SNAP25: variants seen among roughly 807,000 people sequenced by gnomAD.
SNAP25 encodes the protein synaptosome associated protein 25.
In SNAP25, 3 loss-of-function variants were observed where a neutral mutation model predicts 28.7. The observed-to-expected ratio is 0.10, with a 90% CI of 0.05 to 0.27. The LOEUF is 0.27. Among genes scored for constraint, SNAP25 ranks in the 10% least tolerant of loss-of-function variants. SNAP25 has a pLI of 1.00. For synonymous variants in SNAP25, 61 were observed against 88.1 expected, an observed-to-expected ratio of 0.69 and a Z score of 1.72; for missense variants, 117 against 278.7, an observed-to-expected ratio of 0.42 and a Z score of 4.13.
intron 1 of SNAP25, among the ~76,000 whole-genome samples, chr20:10,265,929 C>T (rs1017771636): frequency 9.2e-5 from 14 of 152,074 alleles, no homozygotes; most frequent in African/African-American, 2.4e-4. Context: ...CTGGTGAGGC[C>T]GATGCTGGTC....
At chr20:10,285,828 G>T (rs2063866101) in intron 4 of SNAP25, among the ~76,000 whole-genome samples, 1 of 152,122 alleles carries the variant, frequency 6.6e-6, no homozygotes, top group Non-Finnish European at 1.5e-5. Flanking sequence ...ATGAAACCAT[G>T]CTCTAATCAC....
chr20:10,238,533 G>T lies in SNAP25; in HGVS notation c.-64+19556G>T, dbSNP rs2062963944. ...AGGTGGCAAAAAATATAAGGGGAAT[G>T]GATGGGTGCAGAAGGATGCTGTGCA... On this transcript the variant is annotated intron_variant, in intron 1 of 7. Transcript: ENST00000254976. Among the ~76,000 whole-genome samples, 3 of 152,138 alleles carry T rather than the reference G, an allele frequency of 2.0e-5. No homozygotes were observed. The South Asian group carries it at 6.2e-4, about 32-fold the overall frequency.
chr20:10,226,906 AC>A (rs1321786424), intron 1 of SNAP25, among the ~76,000 whole-genome samples: 1 of 152,082 alleles, frequency 6.6e-6, no homozygotes, highest in Non-Finnish European at 1.5e-5. Flanking sequence ...TGTAGAGACC[AC>A]TTTCTGCCGC....
At chr20:10,275,381 A>T in intron 1 of SNAP25, 48 bp from the exon 2 acceptor site, 1 of 925,516 alleles carries the variant, frequency 1.1e-6, no homozygotes, top group Non-Finnish European at 1.6e-6. Flanking sequence ...GCACACACCT[A>T]CATGAACATA....
intron 1 of SNAP25, among the ~76,000 whole-genome samples, chr20:10,254,757 A>G (rs1311675581): frequency 6.6e-6 from 1 of 152,176 alleles, no homozygotes; most frequent in African/African-American, 2.4e-5. Context: ...CAAGGAAAAA[A>G]CAGTTCCCCC....
At chr20:10,305,896 T>G (rs1474823789) in intron 7 of SNAP25, among the ~76,000 whole-genome samples, 1 of 151,594 alleles carries the variant, frequency 6.6e-6, no homozygotes, top group Non-Finnish European at 1.5e-5. Context: ...AAGCAATGAT[T>G]CTGAAAAAAT....
chr20:10,273,355 A>C (rs574355202), intron 1 of SNAP25, among the ~76,000 whole-genome samples: 21 of 152,314 alleles, frequency 1.4e-4, no homozygotes, highest in South Asian at 4.1e-4. Flanking sequence ...TTTCATTTTA[A>C]GTTTCTTCAG....
chr20:10,243,167 G>A (rs1190282685), intron 1 of SNAP25, among the ~76,000 whole-genome samples: 2 of 152,170 alleles, frequency 1.3e-5, no homozygotes, highest in Non-Finnish European at 2.9e-5. Flanking sequence ...AAATCCAGAA[G>A]CCCAGGTCGT....
At chr20:10,238,035 G>A in intron 1 of SNAP25, among the ~76,000 whole-genome samples, 1 of 152,118 alleles carries the variant, frequency 6.6e-6, no homozygotes, top group East Asian at 1.9e-4. Context: ...GGGTAAGTGG[G>A]CTATCCCTCT....
At chr20:10,245,198 A>C (rs2063105383) in intron 1 of SNAP25, among the ~76,000 whole-genome samples, 1 of 152,190 alleles carries the variant, frequency 6.6e-6, no homozygotes, top group African/African-American at 2.4e-5. Context: ...AAGCCAACTA[A>C]TATTAAATTT....
chr20:10,262,986 A>G (rs1028728396), intron 1 of SNAP25, among the ~76,000 whole-genome samples: 81 of 146,406 alleles, frequency 5.5e-4, no homozygotes, highest in African/African-American at 2.0e-3. Context: ...CCAGTGGATC[A>G]GGCGAAGCAA....
intron 1 of SNAP25, among the ~76,000 whole-genome samples, chr20:10,263,121 T>C (rs184356606): frequency 6.8e-6 from 1 of 147,306 alleles, no homozygotes; most frequent in East Asian, 2.1e-4. Context: ...CAGCTTCATG[T>C]CATTCTCCTG....
chr20:10,282,982 G>A (rs749740139), intron 3 of SNAP25, among the ~76,000 whole-genome samples: 1 of 152,146 alleles, frequency 6.6e-6, no homozygotes. Context: ...ATATGTCAGG[G>A]AGCTTGTTAG....
chr20:10,234,232 A>G (rs1389420481), intron 1 of SNAP25, among the ~76,000 whole-genome samples: 1 of 152,142 alleles, frequency 6.6e-6, no homozygotes, highest in Non-Finnish European at 1.5e-5. Flanking sequence ...AAGATGATAC[A>G]GAAACCACAG....
At chr20:10,227,464 C>T (rs149614634) in intron 1 of SNAP25, among the ~76,000 whole-genome samples, 24 of 152,158 alleles carry the variant, frequency 1.6e-4, no homozygotes, top group Admixed American at 6.5e-4. Context: ...TTTTATTGAT[C>T]AAATGTTATG....
In SNAP25 at chr20:10,272,608, A is replaced by G. The variant is rs537137803; in HGVS notation, c.-63-2821A>G. Among the ~76,000 whole-genome samples the G allele has an allele frequency of 2.2e-3, 328 of 152,324 alleles. 1 individual carries two copies. The highest frequency in any genetic ancestry group is 7.7e-3 in the African/African-American group (320 of 41,562). On this transcript the variant is annotated intron_variant, in intron 1 of 7. Transcript: ENST00000254976. ...TTGTAAAATGGAGACATGGAAATAA[A>G]GTCTCATGTATTTAAATAAAACACA...
intron 1 of SNAP25, chr20:10,231,572 G>A (rs1226826831): frequency 6.6e-6 from 1 of 152,152 alleles, no homozygotes; most frequent in Non-Finnish European, 1.5e-5. Flanking sequence ...AATTCTCTCA[G>A]TCTGTTGTTA....
chr20:10,228,839 A>G (rs1016983255), intron 1 of SNAP25, among the ~76,000 whole-genome samples: 3 of 152,140 alleles, frequency 2.0e-5, no homozygotes, highest in South Asian at 2.1e-4. Context: ...CATGAAGGCC[A>G]TATGCTTCTT....
rs2063715085 is a variant in SNAP25 at position 10,277,742 on chromosome 20, A to G, written c.114+16A>G. 6.2e-7 allele frequency: 1 copy of G among 1,611,958 alleles called. No homozygotes were observed. The highest frequency in any genetic ancestry group is 1.3e-5 in the African/African-American group (1 of 75,026). On this transcript the variant is annotated intron_variant, in intron 3 of 7. Transcript: ENST00000254976. Reference sequence around the variant, plus strand: ...GGTTGAAGAGGTAAGAAGTGACAGTATTTTAAGATAAAGGAACAAATCCCT... The same window carrying G: ...GGTTGAAGAGGTAAGAAGTGACAGTGTTTTAAGATAAAGGAACAAATCCCT...
Sources: allele counts gnomAD v4.1 joint callset (sites outside exome capture counted in the v4.1 genomes callset), GRCh38; gene constraint gnomAD v4.1.1; transcripts MANE v1.5; gene names NCBI Gene and HGNC (gene_info 2026-07-23, HGNC 2026-07-21).